The following SLIT2 variants were observed in gnomAD, a reference collection of about 807,000 sequenced individuals.
SLIT2 encodes the protein slit guidance ligand 2, also known as slit homolog 2 protein.
A neutral mutation model predicts 185.7 loss-of-function variants in SLIT2; 41 were observed. That is an observed-to-expected ratio of 0.22 (90% CI 0.17 to 0.29). The LOEUF is 0.29. SLIT2 is among the 10% of genes least tolerant of loss of function. The pLI is 1.00. For synonymous variants in SLIT2, 693 were observed against 680.2 expected, an observed-to-expected ratio of 1.02 and a Z score of -0.29; for missense variants, 1,571 against 1,909.0, an observed-to-expected ratio of 0.82 and a Z score of 3.30.
chr4:20,285,818 G>A (rs1715211867), intron 4 of SLIT2, among the ~76,000 whole-genome samples: 2 of 152,164 alleles, frequency 1.3e-5, no homozygotes, highest in African/African-American at 4.8e-5. Context: ...AAAGTGCTGG[G>A]ATTACAAGCA....
intron 4 of SLIT2, among the ~76,000 whole-genome samples, chr4:20,367,718 C>A (rs1437764874): frequency 6.6e-6 from 1 of 152,138 alleles, no homozygotes; most frequent in African/African-American, 2.4e-5. Context: ...TGACAGGTCC[C>A]TGACCTTGGC....
At chr4:20,373,269 G>T (rs897630179) in intron 4 of SLIT2, among the ~76,000 whole-genome samples, 3 of 151,966 alleles carry the variant, frequency 2.0e-5, no homozygotes, top group Non-Finnish European at 4.4e-5. Context: ...CTGTATTTTT[G>T]ACTTATAGTA....
rs866901758 is a variant in SLIT2 at position 20,276,738 on chromosome 4, G to T, written c.395+7857G>T. On this transcript the variant is annotated intron_variant, in intron 4 of 36. Transcript: ENST00000504154. ...TATGTGAATAGCTGAGAACAGCACA[G>T]AGAAAGGTTGATTGCTTCCCCTCCG... Among the ~76,000 whole-genome samples the T allele has an allele frequency of 2.0e-4, 30 of 152,286 alleles. No homozygotes were observed. In the Middle Eastern group the frequency reaches 0.017, roughly 86 times the overall value.
chr4:20,552,174 A>G (rs1383888873), intron 25 of SLIT2, among the ~76,000 whole-genome samples: 1 of 152,140 alleles, frequency 6.6e-6, no homozygotes, highest in Non-Finnish European at 1.5e-5. Context: ...TGGTGCCCTC[A>G]GGCAGAGAAT....
At chr4:20,470,640 A>G (rs1714894385) in intron 5 of SLIT2, among the ~76,000 whole-genome samples, 1 of 151,972 alleles carries the variant, frequency 6.6e-6, no homozygotes, top group African/African-American at 2.4e-5. Flanking sequence ...CAGTGGCACA[A>G]TCTCAGCTCA....
chr4:20,554,097 C>A, intron 26 of SLIT2, 129 bp downstream of exon 26: 1 of 780,714 alleles, frequency 1.3e-6, no homozygotes, highest in Non-Finnish European at 2.0e-6. Context: ...TCAGCCCATG[C>A]TTGGACAAGA....
At chr4:20,343,556 C>T (rs925484162) in intron 4 of SLIT2, among the ~76,000 whole-genome samples, 1 of 151,852 alleles carries the variant, frequency 6.6e-6, no homozygotes, top group Admixed American at 6.6e-5. Context: ...GGCTGGAGGG[C>T]ACCGACAGCA....
chr4:20,418,058 C>A (rs548219690), intron 4 of SLIT2, among the ~76,000 whole-genome samples: 1 of 152,140 alleles, frequency 6.6e-6, no homozygotes, highest in African/African-American at 2.4e-5. Context: ...CTGGAAGAGG[C>A]AGAGACATTT....
chr4:20,497,155 T>C (rs1477141011), intron 9 of SLIT2, among the ~76,000 whole-genome samples: 1 of 151,904 alleles, frequency 6.6e-6, no homozygotes, highest in African/African-American at 2.4e-5. Context: ...CTTACAGATG[T>C]CTTAGACATC....
chr4:20,432,135 G>T (rs906297117), intron 4 of SLIT2, among the ~76,000 whole-genome samples: 1 of 152,046 alleles, frequency 6.6e-6, no homozygotes, highest in Admixed American at 6.6e-5. Flanking sequence ...CTGCGATTTT[G>T]GCTGGCCAAA....
intron 3 of SLIT2, among the ~76,000 whole-genome samples, chr4:20,261,155 T>C (rs1010749282): frequency 6.6e-6 from 1 of 151,842 alleles, no homozygotes; most frequent in Non-Finnish European, 1.5e-5. Context: ...TAGTGGTACC[T>C]GTTTATCTGG....
chr4:20,288,647 G>C (rs1194774217), intron 4 of SLIT2, among the ~76,000 whole-genome samples: 1 of 152,170 alleles, frequency 6.6e-6, no homozygotes, highest in Non-Finnish European at 1.5e-5. Context: ...TATGGTTAAT[G>C]GATTACCTGC....
intron 17 of SLIT2, among the ~76,000 whole-genome samples, chr4:20,532,957 C>G (rs1446708526): frequency 6.6e-6 from 1 of 152,154 alleles, no homozygotes; most frequent in Admixed American, 6.5e-5. Flanking sequence ...CACTCCTGGT[C>G]TTGGAGTGAT....
chr4:20,343,553 G>T (rs981383407), intron 4 of SLIT2, among the ~76,000 whole-genome samples: 1 of 151,682 alleles, frequency 6.6e-6, no homozygotes, highest in African/African-American at 2.4e-5. Flanking sequence ...CCAGGCTGGA[G>T]GGCACCGACA....
rs867645297 is a variant in SLIT2, at chr4:20,252,102, A to C, written c.-1714A>C. On this transcript the variant is annotated 5_prime_UTR_variant, in exon 1 of 37. Coordinates refer to ENST00000504154, the MANE Select transcript of SLIT2 (RefSeq NM_004787.4). ...TGCCGCGCTTTCTGGGCACGGCGGG[A>C]GTGCTGAGCAGAAAGGGGAGCGCCG... Among the ~76,000 whole-genome samples, 1 of 151,654 alleles carries C rather than the reference A, an allele frequency of 6.6e-6. No homozygotes were observed. The highest frequency in any genetic ancestry group is 1.5e-5 in the Non-Finnish European group (1 of 67,848).
chr4:20,497,147 T>C (rs966915580), intron 9 of SLIT2, among the ~76,000 whole-genome samples: 5 of 152,002 alleles, frequency 3.3e-5, no homozygotes, highest in African/African-American at 1.2e-4. Flanking sequence ...TTAATCATCT[T>C]ACAGATGTCT....
chr4:20,593,670 T>G (rs1727692889), intron 30 of SLIT2, among the ~76,000 whole-genome samples: 1 of 152,162 alleles, frequency 6.6e-6, no homozygotes, highest in Non-Finnish European at 1.5e-5. Context: ...GTGATGGATA[T>G]GTTAATTAGC....
chr4:20,393,767 G>A (rs1036331430), intron 4 of SLIT2: 1 of 152,028 alleles, frequency 6.6e-6, no homozygotes, highest in Non-Finnish European at 1.5e-5. Context: ...AGAGGATGAA[G>A]CCATTGTCAT....
chr4:20,383,008 G>A (rs1384903911), intron 4 of SLIT2, among the ~76,000 whole-genome samples: 1 of 152,048 alleles, frequency 6.6e-6, no homozygotes, highest in African/African-American at 2.4e-5. Context: ...CCACATACAT[G>A]GTTAGTCAAT....
Sources: gnomAD v4.1 joint callset for allele counts (sites outside exome capture counted in the v4.1 genomes callset) on GRCh38, gnomAD v4.1.1 for gene constraint, MANE v1.5 for transcripts, NCBI Gene and HGNC (gene_info 2026-07-23, HGNC 2026-07-21) for gene names.